FRAS1: variants seen among roughly 807,000 people sequenced by gnomAD.
FRAS1 encodes extracellular matrix organizing protein FRAS1.
FRAS1 carries 290 observed loss-of-function variants against 435.2 expected under a neutral mutation model. The ratio of observed to expected loss-of-function variants is 0.67; its 90% confidence interval spans 0.61 to 0.73. FRAS1 has a LOEUF of 0.73. FRAS1 is among the 30% of genes least tolerant of loss of function. The probability of loss-of-function intolerance (pLI) is 0.00; values close to 1 mark genes in which losing one functional copy is unlikely to be tolerated. For synonymous variants in FRAS1, 1,800 were observed against 1,851.0 expected (o/e 0.97, Z 0.71); for missense variants, 4,860 against 5,001.5 (o/e 0.97, Z 0.85).
At chr4:78,279,883 A>G (rs948730208) in intron 10 of FRAS1, among the ~76,000 whole-genome samples, 2 of 152,182 alleles carry the variant, frequency 1.3e-5, no homozygotes, top group African/African-American at 4.8e-5. Context: ...TGGATGCTTG[A>G]AACTGTGAAT....
At chr4:78,304,486 A>G (rs923566723) in intron 14 of FRAS1, among the ~76,000 whole-genome samples, 19 of 152,298 alleles carry the variant, frequency 1.2e-4, no homozygotes, top group Middle Eastern at 3.4e-3. Context: ...CTGTGAATCC[A>G]TCTGGTTCTG....
intron 47 of FRAS1, among the ~76,000 whole-genome samples, chr4:78,463,541 A>T (rs1719435081): frequency 6.6e-6 from 1 of 152,202 alleles, no homozygotes; most frequent in Non-Finnish European, 1.5e-5. Context: ...GCAGCCAGGG[A>T]TGGCTCACCA....
At chr4:78,384,736 CAA>C (rs59148575) in intron 28 of FRAS1, among the ~76,000 whole-genome samples, 3 of 140,962 alleles carry the variant, frequency 2.1e-5, no homozygotes, top group African/African-American at 5.3e-5. Flanking sequence ...TATACCGAAA[CAA>C]AAAAAAAAAA....
At position 78,450,305 on chromosome 4, in the gene FRAS1, C is replaced by T. The variant is rs374949365; in HGVS notation, c.6429C>T (p.Pro2143=). 4.2e-5 allele frequency: 67 copies of T among 1,613,858 alleles called. No individual in the cohort carries two copies. The African/African-American group carries it at 7.3e-4, about 18-fold the overall frequency. Reference sequence around the variant, plus strand: ...TGGAGCAAATTTCTATTAAAGGCCCCATCCGAAGTTTCACCCAGGCAGACA... The same window carrying T: ...TGGAGCAAATTTCTATTAAAGGCCCTATCCGAAGTTTCACCCAGGCAGACA... The part of the protein sequence containing the change: ...GNLEQISIKG[P]IRSFTQADIS... Residue 2143 remains proline (P), a synonymous_variant, in exon 45 of 74, where the codon CCC becomes CCT. Transcript: ENST00000512123.
chr4:78,263,216 A>G (rs1430729704), intron 6 of FRAS1, among the ~76,000 whole-genome samples: 1 of 152,194 alleles, frequency 6.6e-6, no homozygotes. Context: ...CTGGCTGTAA[A>G]GCACCAGCCC....
At chr4:78,138,659 A>T (rs568716084) in intron 2 of FRAS1, among the ~76,000 whole-genome samples, 49 of 152,298 alleles carry the variant, frequency 3.2e-4, no homozygotes, top group African/African-American at 1.1e-3. Context: ...TTCTGTGACT[A>T]TAAATGATAG....
chr4:78,321,532 A>G (rs1729502456), intron 18 of FRAS1, among the ~76,000 whole-genome samples: 1 of 152,166 alleles, frequency 6.6e-6, no homozygotes, highest in Non-Finnish European at 1.5e-5. Context: ...GAAGCCCTTT[A>G]TACAGGCACC....
chr4:78,448,427 C>A (rs1718922599), intron 44 of FRAS1, 111 bp downstream of exon 44: 1 of 979,910 alleles, frequency 1.0e-6, no homozygotes, highest in Non-Finnish European at 1.5e-6. Context: ...CTTAAAGTAC[C>A]TGTTCCATAC....
At chr4:78,421,726 C>T in intron 33 of FRAS1, 137 bp from the exon 34 acceptor site, 1 of 969,286 alleles carries the variant, frequency 1.0e-6, no homozygotes, top group East Asian at 2.4e-5. Flanking sequence ...AGTGGCATAC[C>T]AAGAGCAACC....
chr4:78,243,848 C>T (rs1418469486), intron 3 of FRAS1, among the ~76,000 whole-genome samples: 2 of 152,048 alleles, frequency 1.3e-5, no homozygotes, highest in East Asian at 1.9e-4. Flanking sequence ...CCCTTGCTCC[C>T]GGCTTCCATG....
At chr4:78,519,625 C>G (rs1405797239) in intron 67 of FRAS1, 144 bp downstream of exon 67, 1 of 906,790 alleles carries the variant, frequency 1.1e-6, no homozygotes, top group East Asian at 2.5e-5. Context: ...AAGTGCAGAT[C>G]TGTGGTTCCT....
At chr4:78,086,182 A>G (rs1741153971) in intron 2 of FRAS1, among the ~76,000 whole-genome samples, 1 of 152,242 alleles carries the variant, frequency 6.6e-6, no homozygotes, top group South Asian at 2.1e-4. Flanking sequence ...ACTACTGGGT[A>G]CATAACGAAA....
intron 22 of FRAS1, among the ~76,000 whole-genome samples, chr4:78,367,105 A>T (rs1731301730): frequency 6.6e-6 from 1 of 152,202 alleles, no homozygotes; most frequent in South Asian, 2.1e-4. Flanking sequence ...GGGAATGAGT[A>T]CTTTGTAGAA....
intron 49 of FRAS1, 65 bp from the exon 50 acceptor site, chr4:78,466,143 A>G: frequency 1.5e-6 from 2 of 1,333,066 alleles, no homozygotes; most frequent in Non-Finnish European, 2.1e-6. Context: ...GCAATTGGGC[A>G]TCACTCACTC....
At chr4:78,372,926 A>C in intron 24 of FRAS1, 68 bp downstream of exon 24, 6 of 1,463,620 alleles carry the variant, frequency 4.1e-6, no homozygotes, top group South Asian at 1.4e-5. Flanking sequence ...TACTGTTCTC[A>C]GAAGGAAACA....
At chr4:78,220,192 T>G (rs1723990696) in intron 2 of FRAS1, among the ~76,000 whole-genome samples, 1 of 152,252 alleles carries the variant, frequency 6.6e-6, no homozygotes, top group Admixed American at 6.5e-5. Context: ...TCACATTTTC[T>G]TCTGCTTTTT....
At chr4:78,533,947 G>T (rs1016562446) in intron 70 of FRAS1, among the ~76,000 whole-genome samples, 3 of 152,170 alleles carry the variant, frequency 2.0e-5, no homozygotes, top group African/African-American at 7.2e-5. Flanking sequence ...GCGCTTATCT[G>T]CCAGAAGGAG....
At chr4:78,277,619 G>T (rs546097008) in intron 9 of FRAS1, among the ~76,000 whole-genome samples, 1 of 151,962 alleles carries the variant, frequency 6.6e-6, no homozygotes, top group African/African-American at 2.4e-5. Flanking sequence ...CTGGGAGATG[G>T]GACTTCAGTG....
At chr4:78,256,629 T>TA (rs1725809426) in intron 6 of FRAS1, among the ~76,000 whole-genome samples, 1 of 152,248 alleles carries the variant, frequency 6.6e-6, no homozygotes, top group Admixed American at 6.5e-5. Context: ...TTCTCATATT[T>TA]AAAATCATTA....
Sources: allele counts gnomAD v4.1 joint callset (sites outside exome capture counted in the v4.1 genomes callset), GRCh38; gene constraint gnomAD v4.1.1; transcripts MANE v1.5; gene names NCBI Gene and HGNC (gene_info 2026-07-23, HGNC 2026-07-21).